The following ITPR1 variants were observed in gnomAD, a reference collection of about 807,000 sequenced individuals.
ITPR1 encodes the protein inositol 1,4,5-trisphosphate receptor type 1.
A neutral mutation model predicts 318.4 loss-of-function variants in ITPR1; 96 were observed. The observed-to-expected ratio is 0.30, with a 90% CI of 0.26 to 0.36. The LOEUF (loss-of-function observed/expected upper bound fraction) is 0.36. ITPR1 is among the 10% of genes least tolerant of loss of function. The probability of loss-of-function intolerance (pLI) is 1.00; values close to 1 mark genes in which losing one functional copy is unlikely to be tolerated. For synonymous variants in ITPR1, 1,312 were observed against 1,289.9 expected (o/e 1.02, Z -0.37); for missense variants, 2,440 against 3,460.2 (o/e 0.71, Z 7.40).
At chr3:4,627,730 A>C in intron 4 of ITPR1, 33 bp from the exon 5 acceptor site, 1 of 1,383,416 alleles carries the variant, frequency 7.2e-7, no homozygotes, top group African/African-American at 1.4e-5. Context: ...TACACCCTCA[A>C]TGGCAATTTC....
At chr3:4,723,971 T>C (rs957477562) in intron 40 of ITPR1, among the ~76,000 whole-genome samples, 3 of 152,258 alleles carry the variant, frequency 2.0e-5, no homozygotes, top group Non-Finnish European at 4.4e-5. Flanking sequence ...TTCTTTAGCA[T>C]ACAGAATGTA....
intron 40 of ITPR1, among the ~76,000 whole-genome samples, chr3:4,717,974 T>G (rs897126317): frequency 3.3e-5 from 5 of 152,206 alleles, no homozygotes; most frequent in Non-Finnish European, 7.3e-5. Context: ...TATCCATGGC[T>G]TCTCTTCTAG....
At chr3:4,608,217 G>C (rs186353609) in intron 4 of ITPR1, among the ~76,000 whole-genome samples, 1 of 152,248 alleles carries the variant, frequency 6.6e-6, no homozygotes. Flanking sequence ...TCCGAAGTTT[G>C]ATTTACTCCA....
rs574450526 is a variant in ITPR1, at chr3:4,824,497, C to A, written c.8028+6255C>A. Among the ~76,000 whole-genome samples the A allele has an allele frequency of 7.2e-5, 11 of 152,286 alleles. No homozygotes were observed. The South Asian group carries it at 2.3e-3, about 32-fold the overall frequency. On this transcript the variant is annotated intron_variant, in intron 60 of 61. Transcript: ENST00000649015. ...GACCCACATATCCGCATGTGGTTAC[C>A]TGTGTGCACATGCACACAGCCCTCC...
At chr3:4,789,250 G>A (rs555240792) in intron 52 of ITPR1, among the ~76,000 whole-genome samples, 50 of 152,290 alleles carry the variant, frequency 3.3e-4, no homozygotes, top group South Asian at 2.9e-3. Flanking sequence ...TGACCGAGGG[G>A]CCAGGGGACC....
chr3:4,665,377 C>T (rs2093924086), intron 17 of ITPR1, 81 bp downstream of exon 17: 2 of 1,307,232 alleles, frequency 1.5e-6, no homozygotes, highest in Admixed American at 2.1e-5. Context: ...TTTTTAGTGT[C>T]ACATGTCTAT....
At chr3:4,623,879 A>G (rs565709628) in intron 4 of ITPR1, among the ~76,000 whole-genome samples, 1 of 152,318 alleles carries the variant, frequency 6.6e-6, no homozygotes, top group Non-Finnish European at 1.5e-5. Context: ...ATGCAATGCA[A>G]TACTCTGTTT....
intron 45 of ITPR1, among the ~76,000 whole-genome samples, chr3:4,767,908 T>A (rs1230542508): frequency 6.6e-6 from 1 of 152,172 alleles, no homozygotes; most frequent in African/African-American, 2.4e-5. Context: ...ATGAGGGGAC[T>A]GGGGCACAGA....
In ITPR1 at chr3:4,766,950, G is replaced by T. The variant is rs186718973; in HGVS notation, c.5725+240G>T. The stretch of plus-strand genomic sequence containing the variant: ...TCTTGGTCGAGCTTAGGGTTTTATT[G>T]GCAAGGGATCCATGAATAATCTTTT... On this transcript the variant is annotated intron_variant, in intron 45 of 61. Coordinates refer to ENST00000649015, the MANE Select transcript of ITPR1 (RefSeq NM_001378452.1). Among the ~76,000 whole-genome samples, 309 of 152,324 alleles carry T rather than the reference G, an allele frequency of 2.0e-3. 2 individuals carry two copies. Among genetic ancestry groups the T allele is most frequent in the Admixed American group, 7.6e-3 (117 of 15,304 alleles).
At chr3:4,821,458 G>A (rs1036477863) in intron 60 of ITPR1, among the ~76,000 whole-genome samples, 1 of 152,214 alleles carries the variant, frequency 6.6e-6, no homozygotes, top group Non-Finnish European at 1.5e-5. Context: ...AGCAGCATCA[G>A]GGATGGCAAA....
chr3:4,619,235 A>G (rs1236216619), intron 4 of ITPR1, among the ~76,000 whole-genome samples: 1 of 151,966 alleles, frequency 6.6e-6, no homozygotes, highest in Non-Finnish European at 1.5e-5. Context: ...AATGACATGT[A>G]TGGGTCTGTA....
At chr3:4,564,192 C>T (rs1419270743) in intron 4 of ITPR1, among the ~76,000 whole-genome samples, 2 of 152,134 alleles carry the variant, frequency 1.3e-5, no homozygotes, top group Admixed American at 1.3e-4. Flanking sequence ...CCACCCGCCT[C>T]GGCCTCCCAA....
chr3:4,802,953 C>T (rs1285904047), intron 54 of ITPR1, among the ~76,000 whole-genome samples: 1 of 152,070 alleles, frequency 6.6e-6, no homozygotes, highest in African/African-American at 2.4e-5. Context: ...TCTATTAGTT[C>T]GTTCTCACAT....
chr3:4,542,686 G>GC (rs2084575290), intron 4 of ITPR1, among the ~76,000 whole-genome samples: 1 of 125,186 alleles, frequency 8.0e-6, no homozygotes, highest in African/African-American at 2.7e-5. Flanking sequence ...TGTGTGGCGG[G>GC]GGGGTGGGTC....
chr3:4,708,189 G>A (rs748197655), intron 37 of ITPR1, among the ~76,000 whole-genome samples: 8 of 152,150 alleles, frequency 5.3e-5, no homozygotes, highest in South Asian at 2.1e-4. Context: ...TGTAAAGACC[G>A]TTATACCGAA....
Position 4,784,490 on chromosome 3 carries a change from G to GC in ITPR1, c.6615+571dup, listed in dbSNP as rs1175373062. 1.1e-4 allele frequency among the ~76,000 whole-genome samples: 17 copies of GC among 151,944 alleles called. 1 individual carries two copies. The East Asian group carries it at 3.1e-3, about 28-fold the overall frequency. Reference sequence around the variant, plus strand: ...TCAACCATCCTTATGAGAAGTCTGGGCTGCATCCCCAGAGCAATGGGGAAC... The same window carrying GC: ...TCAACCATCCTTATGAGAAGTCTGGGCCTGCATCCCCAGAGCAATGGGGAAC... On this transcript the variant is annotated intron_variant, in intron 51 of 61. Coordinates refer to ENST00000649015, the MANE Select transcript of ITPR1 (RefSeq NM_001378452.1).
At position 4,806,209 on chromosome 3, in the gene ITPR1, T is replaced by C; in HGVS notation, c.7214T>C (p.Leu2405Ser). The change falls in exon 55 of 62, where the codon TTG (leucine) becomes TCG (serine). Residue 2405 changes from leucine (L) to serine (S), a missense_variant. Coordinates refer to ENST00000649015, the MANE Select transcript of ITPR1 (RefSeq NM_001378452.1). The part of the protein sequence containing the change: ...VLDVEFLYHL[L>S]YLVICAMGLF... Reference sequence around the variant, plus strand: ...GATGTTGAGTTCCTCTATCATTTGTTGTATCTGGTGATCTGTGCCATGGGG... The same window carrying C: ...GATGTTGAGTTCCTCTATCATTTGTCGTATCTGGTGATCTGTGCCATGGGG... The C allele has an allele frequency of 6.2e-7, 1 of 1,614,052 alleles. No homozygotes were observed. Among genetic ancestry groups the C allele is most frequent in the East Asian group, 2.2e-5 (1 of 44,890 alleles).
chr3:4,677,745 A>G (rs1286535045), intron 24 of ITPR1, among the ~76,000 whole-genome samples: 2 of 152,200 alleles, frequency 1.3e-5, no homozygotes, highest in Non-Finnish European at 2.9e-5. Flanking sequence ...TGGGTGGGTT[A>G]TAACAAGCTT....
chr3:4,620,498 C>T (rs918318430), intron 4 of ITPR1, among the ~76,000 whole-genome samples: 1 of 152,110 alleles, frequency 6.6e-6, no homozygotes, highest in African/African-American at 2.4e-5. Flanking sequence ...TTCCAGGGTT[C>T]TGCAGTGCTA....
Sources: gnomAD v4.1 joint callset for allele counts (sites outside exome capture counted in the v4.1 genomes callset) on GRCh38, gnomAD v4.1.1 for gene constraint, MANE v1.5 for transcripts, NCBI Gene and HGNC (gene_info 2026-07-23, HGNC 2026-07-21) for gene names.